GPR180: variants seen among roughly 807,000 people sequenced by gnomAD.
GPR180 encodes G protein-coupled receptor 180, also known as integral membrane protein GPR180.
A neutral mutation model predicts 52.6 loss-of-function variants in GPR180; 53 were observed. The ratio of observed to expected loss-of-function variants is 1.01; its 90% CI spans 0.81 to 1.27. The LOEUF (loss-of-function observed/expected upper bound fraction) is 1.27, where lower values mean the gene tolerates loss of function less well. GPR180 is among the 50% of genes most tolerant of loss of function. GPR180 has a pLI of 0.00. For synonymous variants in GPR180, 200 were observed against 193.1 expected (o/e 1.04, Z -0.30); for missense variants, 533 against 527.0 (o/e 1.01, Z -0.11).
In GPR180 at chr13:94,631,682, G is replaced by A. The variant is rs1453424499; in HGVS notation, c.*4511G>A. 6.7e-6 allele frequency: 1 copy of A among 150,166 alleles called. No individual in the cohort carries two copies. The highest frequency in any genetic ancestry group is 2.5e-5 in the African/African-American group (1 of 40,650). The allele number at this position is 150,166 out of a possible 1,614,324, so 9.3% of individuals were successfully genotyped here. A position where few individuals can be genotyped will look rare whatever the true frequency, so the allele number is the denominator to read the frequency against. On this transcript the variant is annotated 3_prime_UTR_variant, in exon 9 of 9. Transcript: ENST00000376958. ...GCAATGCTGAAAAAGTTCCAAATCT[G>A]TACTTAACAGTGTAGTATTAATTAT...
At position 94,632,644 on chromosome 13, in the gene GPR180, G is replaced by T. The variant is rs1024633888; in HGVS notation, c.*5473G>T. The stretch of plus-strand genomic sequence containing the variant: ...TCCTCCCAAAATGCCTCCACTCCAG[G>T]TTCCAGGTCTAGATCCTTGGGATTT... On this transcript the variant is annotated 3_prime_UTR_variant, in exon 9 of 9. Coordinates refer to ENST00000376958, the MANE Select transcript of GPR180 (RefSeq NM_180989.6). 3 of 152,170 alleles carry T rather than the reference G, an allele frequency of 2.0e-5. No homozygotes were observed. The highest frequency in any genetic ancestry group is 7.2e-5 in the African/African-American group (3 of 41,424). 9.4% of individuals were successfully genotyped at this position (152,170 alleles called of 1,614,324 possible).
chr13:94,623,042 G>C lies in GPR180; in HGVS notation c.895-67G>C. 3 of 1,186,388 alleles carry C rather than the reference G, an allele frequency of 2.5e-6. No individual in the cohort carries two copies. In the South Asian group the frequency reaches 4.3e-5, roughly 17 times the overall value. 73.5% of individuals were successfully genotyped at this position (1,186,388 alleles called of 1,614,324 possible). On this transcript the variant is annotated intron_variant, in intron 6 of 8. Transcript: ENST00000376958. ...CATTTAAAGGGATGTTTATTAAAGA[G>C]TTGAAAAAAATATTGTAATGAGGTA...
At chr13:94,618,559 T>C (rs1408513499) in intron 3 of GPR180, among the ~76,000 whole-genome samples, 1 of 151,756 alleles carries the variant, frequency 6.6e-6, no homozygotes, top group East Asian at 1.9e-4. Context: ...GTGGTCCTCA[T>C]GTGTTAGCTA....
intron 1 of GPR180, among the ~76,000 whole-genome samples, chr13:94,604,235 G>A (rs2139562534): frequency 6.6e-6 from 1 of 152,216 alleles, no homozygotes; most frequent in Admixed American, 6.5e-5. Context: ...TTGGGAGGGT[G>A]AGGCAGGAGA....
intron 2 of GPR180, among the ~76,000 whole-genome samples, chr13:94,611,126 G>C (rs4773802): frequency 0.035 from 5,325 of 152,118 alleles, 123 homozygotes; most frequent in Middle Eastern, 0.092. Context: ...TTGAAGCCAG[G>C]ATTCAAACAT....
intron 3 of GPR180, among the ~76,000 whole-genome samples, chr13:94,618,051 A>G (rs1825099820): frequency 2.0e-5 from 3 of 152,244 alleles, no homozygotes; most frequent in Admixed American, 6.5e-5. Context: ...ACTGTACTAA[A>G]AAGCTGCTAG....
At chr13:94,612,440 A>C in intron 3 of GPR180, 50 bp downstream of exon 3, 1 of 1,304,618 alleles carries the variant, frequency 7.7e-7, no homozygotes, top group Non-Finnish European at 1.1e-6. Context: ...AGATTTATGT[A>C]CAAATATATT....
At position 94,623,071 on chromosome 13, in the gene GPR180, T is replaced by A. The variant is rs533336744; in HGVS notation, c.895-38T>A. On this transcript the variant is annotated intron_variant, in intron 6 of 8. Transcript: ENST00000376958. ...AAAAAAATATTGTAATGAGGTATAT[T>A]TTTTTTTCCTAAATGTAATATTGTT... 7.3e-6 allele frequency: 11 copies of A among 1,498,742 alleles called. No individual in the cohort carries two copies. In the East Asian group the frequency reaches 1.1e-4, roughly 15 times the overall value. The allele number at this position is 1,498,742 out of a possible 1,614,324, so 92.8% of individuals were successfully genotyped here.
intron 7 of GPR180, among the ~76,000 whole-genome samples, chr13:94,625,547 T>G (rs979936653): frequency 6.6e-6 from 1 of 152,184 alleles, no homozygotes; most frequent in Non-Finnish European, 1.5e-5. Context: ...GTTCTAACCC[T>G]CAAACAGGTA....
At chr13:94,626,945 A>T (rs1470358403) in intron 8 of GPR180, 68 bp from the exon 9 acceptor site, 2 of 1,156,824 alleles carry the variant, frequency 1.7e-6, no homozygotes, top group African/African-American at 1.6e-5. Flanking sequence ...ATATAGATTC[A>T]TAATAAATTG....
rs763007408 is a variant in GPR180, at chr13:94,623,058, T to G, written c.895-51T>G. The G allele has an allele frequency of 3.8e-6, 5 of 1,326,926 alleles. No homozygotes were observed. In the Admixed American group the frequency reaches 9.5e-5, roughly 25 times the overall value. The allele number at this position is 1,326,926 out of a possible 1,614,324, so 82.2% of individuals were successfully genotyped here. ...TATTAAAGAGTTGAAAAAAATATTG[T>G]AATGAGGTATATTTTTTTTTCCTAA... On this transcript the variant is annotated intron_variant, in intron 6 of 8. Transcript: ENST00000376958.
At chr13:94,625,886 G>T in intron 7 of GPR180, 80 bp from the exon 8 acceptor site, 1 of 928,598 alleles carries the variant, frequency 1.1e-6, no homozygotes, top group East Asian at 2.6e-5. Context: ...ACCTAAAAAT[G>T]CTAGTAACAT....
In GPR180 at chr13:94,619,524, A is replaced by G. The variant is rs1566980687; in HGVS notation, c.736+7A>G. 1.2e-6 allele frequency: 2 copies of G among 1,609,742 alleles called. No homozygotes were observed. Among genetic ancestry groups the G allele is most frequent in the Admixed American group, 1.7e-5 (1 of 59,912 alleles). On this transcript the variant is annotated splice_region_variant and intron_variant, in intron 5 of 8. Coordinates refer to ENST00000376958, the MANE Select transcript of GPR180 (RefSeq NM_180989.6). ...ATGGGAAGTTTGGCAGAATGTGAGT[A>G]TCTTTCTGAGCATTTTTTAAAAAGC... is the stretch of plus-strand genomic sequence containing the variant.
rs1889942625 is a variant in GPR180, at chr13:94,627,420, A to AT, written c.*250dup. On this transcript the variant is annotated 3_prime_UTR_variant, in exon 9 of 9. Coordinates refer to ENST00000376958, the MANE Select transcript of GPR180 (RefSeq NM_180989.6). ...TTATAAAATTATTGAAGCGATTTCT[A>AT]TGTGGAAATAAATGTGAAAAATAAC... The AT allele has an allele frequency of 4.7e-6, 2 of 423,316 alleles. No individual in the cohort carries two copies. The highest frequency in any genetic ancestry group is 8.2e-6 in the Non-Finnish European group (2 of 242,750). The allele number at this position is 423,316 out of a possible 1,614,324, so 26.2% of individuals were successfully genotyped here.
Position 94,612,224 on chromosome 13 carries a change from G to A in GPR180, c.339G>A (p.Val113=). The A allele has an allele frequency of 5.0e-6, 8 of 1,614,056 alleles. No individual in the cohort carries two copies. The highest frequency in any genetic ancestry group is 6.8e-6 in the Non-Finnish European group (8 of 1,179,938). ...TMNQTEHNLT[V]SQIPSPQTWH... Reference sequence around the variant, plus strand: ...ACCAGACCGAACATAATCTGACAGTGTCCCAGATTCCGTCTCCACAAACGT... The same window carrying A: ...ACCAGACCGAACATAATCTGACAGTATCCCAGATTCCGTCTCCACAAACGT... The change falls in exon 3 of 9, where the codon GTG becomes GTA. Residue 113 remains valine (V), a synonymous_variant. Transcript: ENST00000376958.
intron 3 of GPR180, 22 bp downstream of exon 3, chr13:94,612,412 T>A: frequency 6.7e-7 from 1 of 1,496,918 alleles, no homozygotes; most frequent in Non-Finnish European, 9.3e-7. Flanking sequence ...TATTTGAATA[T>A]ATCCTAAATT....
At chr13:94,616,755 T>C (rs9524561) in intron 3 of GPR180, among the ~76,000 whole-genome samples, 36,571 of 145,512 alleles carry the variant, frequency 0.25, 4,676 homozygotes, top group East Asian at 0.38. Context: ...TGAACACAAA[T>C]TGAGTTTAAT....
At chr13:94,625,929 C>T (rs766005347) in intron 7 of GPR180, 37 bp from the exon 8 acceptor site, 1 of 1,522,090 alleles carries the variant, frequency 6.6e-7, no homozygotes, top group African/African-American at 1.4e-5. Flanking sequence ...AAAAAAGCTA[C>T]ACAGTTCTAC....
At chr13:94,611,604 A>T (rs1313285114) in intron 2 of GPR180, among the ~76,000 whole-genome samples, 1 of 151,986 alleles carries the variant, frequency 6.6e-6, no homozygotes, top group Admixed American at 6.6e-5. Context: ...TTTCCTCAAG[A>T]ATGCCTGGGC....
Sources: allele counts gnomAD v4.1 joint callset (sites outside exome capture counted in the v4.1 genomes callset), GRCh38; gene constraint gnomAD v4.1.1; transcripts MANE v1.5; gene names NCBI Gene and HGNC (gene_info 2026-07-23, HGNC 2026-07-21).